PTGR3: variants seen among roughly 807,000 people sequenced by gnomAD.
PTGR3 encodes the protein zinc binding alcohol dehydrogenase domain containing 2.
chr18:75,201,294 A>C, the PTGR3 span: 1 of 855,792 alleles, frequency 1.2e-6, no homozygotes, highest in Non-Finnish European at 1.8e-6. Flanking sequence ...ATTCATTAAC[A>C]CCTTACTTTT....
At chr18:75,208,437 C>T in the PTGR3 span, 1 of 996,970 alleles carries the variant, frequency 1.0e-6, no homozygotes, top group Admixed American at 6.0e-5. Context: ...TCGCAGTTTG[C>T]GTCCAGGCTG....
chr18:75,208,510 C>A, the PTGR3 span: 2 of 1,047,124 alleles, frequency 1.9e-6, no homozygotes, highest in Non-Finnish European at 2.3e-6. Context: ...GGCGGCCCGG[C>A]GGGGAGCCTC....
At chr18:75,202,245 C>A in the PTGR3 span, 1 of 1,614,140 alleles carries the variant, frequency 6.2e-7, no homozygotes, top group Non-Finnish European at 8.5e-7. Context: ...CACCACCTCC[C>A]CAATGCCTTC....
chr18:75,201,167 A>C, the PTGR3 span: 1 of 489,174 alleles, frequency 2.0e-6, no homozygotes, highest in Non-Finnish European at 3.6e-6. Context: ...GAGACCATCC[A>C]TGACTAAAGA....
the PTGR3 span, among the ~76,000 whole-genome samples, chr18:75,203,151 C>G: frequency 1.3e-5 from 2 of 152,140 alleles, no homozygotes; most frequent in Non-Finnish European, 2.9e-5. Flanking sequence ...TTGATTAATA[C>G]CAGATGATTA....
At chr18:75,201,850 T>G in the PTGR3 span, 10 of 1,614,068 alleles carry the variant, frequency 6.2e-6, no homozygotes, top group African/African-American at 1.3e-4. Context: ...TACTCCTGCT[T>G]AAGGACGGTA....
chr18:75,199,196 C>T, the PTGR3 span: 1 of 152,410 alleles, frequency 6.6e-6, no homozygotes, highest in African/African-American at 2.4e-5. Flanking sequence ...TTAGTATATT[C>T]CCTCAAAACA....
At chr18:75,201,576 C>T in the PTGR3 span, 4 of 1,614,152 alleles carry the variant, frequency 2.5e-6, no homozygotes, top group Non-Finnish European at 2.5e-6. Context: ...CAGGTCTCCG[C>T]TCACACACAT....
the PTGR3 span, chr18:75,202,321 A>G: frequency 6.2e-7 from 1 of 1,610,158 alleles, no homozygotes; most frequent in Non-Finnish European, 8.5e-7. Flanking sequence ...TTGATGTCAG[A>G]TGCGTTAACA....
chr18:75,201,400 T>C, the PTGR3 span: 1 of 1,587,812 alleles, frequency 6.3e-7, no homozygotes, highest in African/African-American at 1.4e-5. Flanking sequence ...CCTTGATTTA[T>C]GTCATTGTTC....
the PTGR3 span, chr18:75,195,477 C>T: frequency 0.4 from 61,209 of 152,094 alleles, 13,203 homozygotes; most frequent in Non-Finnish European, 0.45. Context: ...GGGCATTGGC[C>T]AGTGTTCCAG....
the PTGR3 span, among the ~76,000 whole-genome samples, chr18:75,203,387 G>A: frequency 6.6e-6 from 1 of 152,196 alleles, no homozygotes; most frequent in African/African-American, 2.4e-5. Context: ...GAGGAGGAAA[G>A]CCGTTAAGCA....
At chr18:75,209,004 G>A in the PTGR3 span, 3 of 1,590,896 alleles carry the variant, frequency 1.9e-6, no homozygotes, top group Non-Finnish European at 1.7e-6. The surrounding 1 kb of genome is among the most constrained non-coding windows in gnomAD (Gnocchi z 4.7). Context: ...AGGAAGTGGC[G>A]GGCGTACGAC....
the PTGR3 span, among the ~76,000 whole-genome samples, chr18:75,202,965 G>C: frequency 3.9e-5 from 6 of 152,186 alleles, no homozygotes; most frequent in African/African-American, 1.2e-4. Flanking sequence ...AGTGGCTGTC[G>C]CAAATTTTCT....
At chr18:75,202,298 G>A in the PTGR3 span, 83 of 1,613,842 alleles carry the variant, frequency 5.1e-5, no homozygotes, top group African/African-American at 1.1e-3. Context: ...GGTCATAGCG[G>A]CCTGCTGAAT....
the PTGR3 span, chr18:75,209,002 G>A: frequency 2.5e-6 from 4 of 1,591,026 alleles, no homozygotes; most frequent in African/African-American, 4.1e-5. The surrounding 1 kb of genome is among the most constrained non-coding windows in gnomAD (Gnocchi z 4.7). Context: ...CCAGGAAGTG[G>A]CGGGCGTACG....
the PTGR3 span, among the ~76,000 whole-genome samples, chr18:75,202,682 A>T: frequency 2.6e-4 from 40 of 151,628 alleles, no homozygotes; most frequent in Non-Finnish European, 5.0e-4. Flanking sequence ...AAAAAAAAGA[A>T]AAGAAGGAAA....
the PTGR3 span, chr18:75,205,661 T>TA: frequency 4.8e-6 from 1 of 206,666 alleles, no homozygotes; most frequent in Non-Finnish European, 8.3e-6. Flanking sequence ...AAGTCCAGAG[T>TA]AAAAGCCTTC....
At chr18:75,195,382 T>C in the PTGR3 span, 4 of 152,216 alleles carry the variant, frequency 2.6e-5, no homozygotes, top group African/African-American at 9.7e-5. Flanking sequence ...CCAATTGCTG[T>C]TCTTCAAACC....
Sources: allele counts gnomAD v4.1 joint callset (sites outside exome capture counted in the v4.1 genomes callset), GRCh38; gene constraint gnomAD v4.1.1; non-coding constraint Gnocchi (gnomAD v3.1); transcripts MANE v1.5; gene names NCBI Gene and HGNC (gene_info 2026-07-23, HGNC 2026-07-21).